Variants in CREB5 observed in about 807,000 individuals in gnomAD.
The protein encoded by CREB5 is cyclic AMP-responsive element-binding protein 5.
In CREB5, 19 loss-of-function variants were observed where a neutral mutation model predicts 57.1. That is an observed-to-expected ratio of 0.33 (90% CI 0.23 to 0.49). The LOEUF is 0.49. Among genes scored for constraint, CREB5 ranks in the 20% least tolerant of loss-of-function variants. The pLI is 0.99. For missense variants in CREB5, 579 were observed against 671.6 expected, an observed-to-expected ratio of 0.86 and a Z score of 1.52; for synonymous variants, 238 against 238.3, an observed-to-expected ratio of 1.00 and a Z score of 0.01.
intron 1 of CREB5, among the ~76,000 whole-genome samples, chr7:28,461,988 G>A (rs1026914967): frequency 1.3e-5 from 2 of 152,054 alleles, no homozygotes; most frequent in African/African-American, 4.8e-5. Context: ...TCACAGAATT[G>A]TGTAATTATC....
intron 1 of CREB5, among the ~76,000 whole-genome samples, chr7:28,439,947 G>A (rs565608544): frequency 6.6e-6 from 1 of 152,298 alleles, no homozygotes; most frequent in East Asian, 1.9e-4. Flanking sequence ...TCTTGAATGA[G>A]TGAATGAATG....
At chr7:28,431,539 T>C (rs1788714491) in intron 1 of CREB5, among the ~76,000 whole-genome samples, 1 of 152,162 alleles carries the variant, frequency 6.6e-6, no homozygotes, top group Non-Finnish European at 1.5e-5. Flanking sequence ...CACTCTTTAT[T>C]TAGCAAGAAA....
intron 4 of CREB5, among the ~76,000 whole-genome samples, chr7:28,555,484 T>C (rs1460562461): frequency 6.6e-6 from 1 of 152,224 alleles, no homozygotes; most frequent in Non-Finnish European, 1.5e-5. Context: ...TTAGGGAAGA[T>C]TTAAATTTCT....
intron 5 of CREB5, among the ~76,000 whole-genome samples, chr7:28,617,105 T>A (rs927782754): frequency 2.0e-5 from 3 of 152,228 alleles, no homozygotes; most frequent in Non-Finnish European, 2.9e-5. Flanking sequence ...TCCAGGTACA[T>A]GAGAGCTAAA....
chr7:28,348,130 A>G (rs1771815760), intron 1 of CREB5, among the ~76,000 whole-genome samples: 1 of 152,110 alleles, frequency 6.6e-6, no homozygotes, highest in African/African-American at 2.4e-5. Flanking sequence ...TCACTGGTCA[A>G]TCCAGAGGTT....
chr7:28,693,314 G>A (rs1801373199), intron 5 of CREB5, among the ~76,000 whole-genome samples: 1 of 152,230 alleles, frequency 6.6e-6, no homozygotes, highest in South Asian at 2.1e-4. Flanking sequence ...TGCATTGTGT[G>A]AACTGGAATG....
chr7:28,575,251 T>C (rs1436270829), intron 5 of CREB5, among the ~76,000 whole-genome samples: 1 of 152,220 alleles, frequency 6.6e-6, no homozygotes, highest in African/African-American at 2.4e-5. Context: ...CATGTGGCTT[T>C]GCTGTGTGAG....
upstream of CREB5, among the ~76,000 whole-genome samples, chr7:28,408,515 C>A (rs768964896): frequency 1.4e-4 from 22 of 152,176 alleles, 1 homozygote; most frequent in Admixed American, 6.5e-5. Context: ...GGCTCTGCCG[C>A]TCCCCAGCCC....
chr7:28,517,089 T>C (rs1019770607), intron 4 of CREB5, among the ~76,000 whole-genome samples: 1 of 152,148 alleles, frequency 6.6e-6, no homozygotes, highest in Admixed American at 6.5e-5. Flanking sequence ...AAGCTTCCGT[T>C]CTAGGCAGAA....
intron 1 of CREB5, among the ~76,000 whole-genome samples, chr7:28,446,422 T>G (rs1223341595): frequency 6.6e-6 from 1 of 152,236 alleles, no homozygotes; most frequent in Non-Finnish European, 1.5e-5. Context: ...ACAAAAGAAC[T>G]AGACATTTGG....
intron 5 of CREB5, among the ~76,000 whole-genome samples, chr7:28,650,608 A>G (rs1283996986): frequency 1.3e-5 from 2 of 152,126 alleles, no homozygotes; most frequent in Non-Finnish European, 1.5e-5. Context: ...CCAACCTTCC[A>G]TAGGAAATTA....
At chr7:28,459,707 G>A (rs557781642) in intron 1 of CREB5, among the ~76,000 whole-genome samples, 14 of 152,180 alleles carry the variant, frequency 9.2e-5, no homozygotes, top group African/African-American at 3.4e-4. Context: ...GTGACGTAAG[G>A]GGGTGCAGAG....
chr7:28,420,664 C>T (rs970357583), intron 1 of CREB5, among the ~76,000 whole-genome samples: 8 of 152,086 alleles, frequency 5.3e-5, no homozygotes, highest in Middle Eastern at 3.4e-3. Context: ...AAAAATTAGC[C>T]GGGCATGGTG....
At chr7:28,389,118 A>G (rs1487298940) in intron 1 of CREB5, among the ~76,000 whole-genome samples, 4 of 152,214 alleles carry the variant, frequency 2.6e-5, no homozygotes, top group Admixed American at 2.6e-4. Context: ...GCTTTCTCAC[A>G]TGCAAAAGCC....
chr7:28,620,917 A>G (rs1464207103), intron 5 of CREB5, among the ~76,000 whole-genome samples: 1 of 152,192 alleles, frequency 6.6e-6, no homozygotes, highest in African/African-American at 2.4e-5. Flanking sequence ...CGCAAACCCA[A>G]TAAGAAGTCC....
intron 1 of CREB5, among the ~76,000 whole-genome samples, chr7:28,438,483 G>A (rs1789050454): frequency 6.6e-6 from 1 of 151,968 alleles, no homozygotes; most frequent in Non-Finnish European, 1.5e-5. Context: ...TACCTGATAA[G>A]TATTGATTAA....
rs147457296 is a variant in CREB5 at position 28,822,098 on chromosome 7, G to C, written c.*2819G>C. ...CATTATATATAGCTCAATTATGTCT[G>C]TTTTTTATGCTAAGTAGGAAAACCA... On this transcript the variant is annotated 3_prime_UTR_variant, in exon 11 of 11. Coordinates refer to ENST00000357727, the MANE Select transcript of CREB5 (RefSeq NM_182898.4). 6.6e-6 allele frequency: 1 copy of C among 152,374 alleles called. No homozygotes were observed. Among genetic ancestry groups the C allele is most frequent in the African/African-American group, 2.4e-5 (1 of 41,566 alleles). 9.4% of individuals were successfully genotyped at this position (152,374 alleles called of 1,614,324 possible).
intron 5 of CREB5, among the ~76,000 whole-genome samples, chr7:28,697,769 A>G (rs1489215312): frequency 6.6e-6 from 1 of 152,190 alleles, no homozygotes; most frequent in Non-Finnish European, 1.5e-5. Context: ...CTTAAGAGAT[A>G]GACTTCTTCA....
intron 1 of CREB5, among the ~76,000 whole-genome samples, chr7:28,438,369 G>T (rs1006724457): frequency 1.2e-4 from 19 of 152,048 alleles, no homozygotes; most frequent in African/African-American, 4.1e-4. Flanking sequence ...GTCAAAGGGG[G>T]GTGTCGGGGC....
Sources: allele counts gnomAD v4.1 joint callset (sites outside exome capture counted in the v4.1 genomes callset), GRCh38; gene constraint gnomAD v4.1.1; transcripts MANE v1.5; gene names NCBI Gene and HGNC (gene_info 2026-07-23, HGNC 2026-07-21).